The following GABRG3 variants were observed in gnomAD, a reference collection of about 807,000 sequenced individuals.
The protein encoded by GABRG3 is gamma-aminobutyric acid receptor subunit gamma-3.
In GABRG3, 25 loss-of-function variants were observed where a neutral mutation model predicts 48.8. That is an observed-to-expected ratio of 0.51 (90% CI 0.37 to 0.72). The LOEUF is 0.72. Ranked by LOEUF, GABRG3 falls within the 30% of genes least tolerant of loss-of-function variation. The probability of loss-of-function intolerance (pLI) is 0.00; values close to 1 mark genes in which losing one functional copy is unlikely to be tolerated. For missense variants in GABRG3, 394 were observed against 577.9 expected (o/e 0.68, Z 3.26); for synonymous variants, 227 against 217.6 (o/e 1.04, Z -0.38).
intron 3 of GABRG3, among the ~76,000 whole-genome samples, chr15:27,300,528 A>G (rs992605492): frequency 6.6e-5 from 10 of 152,012 alleles, no homozygotes; most frequent in African/African-American, 1.7e-4. Flanking sequence ...GTGCTGATGC[A>G]TGCCTGTAAT....
intron 3 of GABRG3, among the ~76,000 whole-genome samples, chr15:27,230,545 A>G (rs1001337563): frequency 1.3e-5 from 2 of 152,144 alleles, no homozygotes; most frequent in Non-Finnish European, 2.9e-5. Flanking sequence ...TGTGTTCTAT[A>G]TGCAAAATGA....
chr15:27,442,556 A>T (rs7173368), intron 5 of GABRG3, among the ~76,000 whole-genome samples: 15,325 of 152,220 alleles, frequency 0.1, 1,151 homozygotes, highest in African/African-American at 0.21. Flanking sequence ...CAGGCTTCTC[A>T]TCAAGCCACC....
intron 5 of GABRG3, among the ~76,000 whole-genome samples, chr15:27,439,812 T>C (rs918823701): frequency 6.6e-6 from 1 of 152,230 alleles, no homozygotes; most frequent in African/African-American, 2.4e-5. Context: ...GACAGATCAC[T>C]GGGTTATTAG....
intron 3 of GABRG3, among the ~76,000 whole-genome samples, chr15:27,318,487 G>C (rs757664872): frequency 6.6e-6 from 1 of 152,100 alleles, no homozygotes; most frequent in Non-Finnish European, 1.5e-5. Flanking sequence ...TTGATGCTCT[G>C]AATCAGTAAG....
chr15:27,503,749 A>G (rs1287992276), intron 6 of GABRG3, among the ~76,000 whole-genome samples: 1 of 152,212 alleles, frequency 6.6e-6, no homozygotes, highest in African/African-American at 2.4e-5. Context: ...TGCATGTTCA[A>G]GCATTTATTG....
At chr15:26,982,191 A>G (rs1242557972) in intron 2 of GABRG3, among the ~76,000 whole-genome samples, 5 of 152,224 alleles carry the variant, frequency 3.3e-5, no homozygotes, top group South Asian at 2.1e-4. Context: ...CTGCATTTAT[A>G]TAGAAAGAGA....
intron 3 of GABRG3, among the ~76,000 whole-genome samples, chr15:27,169,435 G>A (rs1034025112): frequency 2.6e-5 from 4 of 152,098 alleles, no homozygotes; most frequent in South Asian, 2.1e-4. Flanking sequence ...GGGGAGGGAC[G>A]AGAAGCATGT....
chr15:27,213,147 G>C (rs1335720328), intron 3 of GABRG3, among the ~76,000 whole-genome samples: 1 of 152,196 alleles, frequency 6.6e-6, no homozygotes, highest in East Asian at 1.9e-4. Flanking sequence ...AGGACCACCA[G>C]GGGAGGAGGC....
intron 3 of GABRG3, among the ~76,000 whole-genome samples, chr15:27,081,182 A>G (rs889291890): frequency 6.6e-6 from 1 of 152,132 alleles, no homozygotes; most frequent in African/African-American, 2.4e-5. Context: ...AGTAAAAGCT[A>G]ACAGGTATAG....
intron 3 of GABRG3, among the ~76,000 whole-genome samples, chr15:27,307,859 A>G (rs1195132285): frequency 7.8e-6 from 1 of 128,472 alleles, no homozygotes; most frequent in South Asian, 2.4e-4. Flanking sequence ...GTTTATATAT[A>G]AATATATATA....
intron 3 of GABRG3, among the ~76,000 whole-genome samples, chr15:27,288,096 C>A (rs1891676456): frequency 6.6e-6 from 1 of 151,936 alleles, no homozygotes; most frequent in Admixed American, 6.6e-5. Flanking sequence ...AGGAATTTTG[C>A]CTTTTTATCT....
intron 5 of GABRG3, among the ~76,000 whole-genome samples, chr15:27,424,266 T>G (rs1888221677): frequency 6.6e-6 from 1 of 152,174 alleles, no homozygotes; most frequent in African/African-American, 2.4e-5. Context: ...TTAGTTCATT[T>G]GTGCTGCTAT....
chr15:27,497,610 C>T (rs541400659), intron 6 of GABRG3, among the ~76,000 whole-genome samples: 300 of 152,232 alleles, frequency 2.0e-3, no homozygotes, highest in South Asian at 9.8e-3. Context: ...GTGAAAATGA[C>T]TCGGAGTTCA....
intron 3 of GABRG3, among the ~76,000 whole-genome samples, chr15:27,233,310 A>C (rs1889856171): frequency 6.6e-6 from 1 of 152,134 alleles, no homozygotes; most frequent in African/African-American, 2.4e-5. Flanking sequence ...AGCATAAAAA[A>C]GTGGACAAGG....
intron 3 of GABRG3, among the ~76,000 whole-genome samples, chr15:27,111,468 G>T (rs1384370360): frequency 6.6e-6 from 1 of 152,162 alleles, no homozygotes; most frequent in Non-Finnish European, 1.5e-5. Flanking sequence ...CAGACATGAT[G>T]TGTTGGGTAA....
At chr15:27,407,600 C>G (rs1191018091) in intron 5 of GABRG3, among the ~76,000 whole-genome samples, 1 of 152,144 alleles carries the variant, frequency 6.6e-6, no homozygotes, top group Non-Finnish European at 1.5e-5. Flanking sequence ...AACTTTGGTA[C>G]ACCCAGACAA....
At chr15:27,331,616 C>T (rs966116106) in intron 5 of GABRG3, among the ~76,000 whole-genome samples, 1 of 152,194 alleles carries the variant, frequency 6.6e-6, no homozygotes, top group Non-Finnish European at 1.5e-5. Context: ...GACAGTGAAA[C>T]TATTCTGTAT....
At chr15:27,128,297 C>T (rs1295247395) in intron 3 of GABRG3, among the ~76,000 whole-genome samples, 1 of 152,144 alleles carries the variant, frequency 6.6e-6, no homozygotes, top group Non-Finnish European at 1.5e-5. Context: ...TGTTGTGTGT[C>T]GCTCTACCTT....
At chr15:27,499,281 A>G (rs1389767455) in intron 6 of GABRG3, among the ~76,000 whole-genome samples, 1 of 152,220 alleles carries the variant, frequency 6.6e-6, no homozygotes, top group Non-Finnish European at 1.5e-5. Context: ...ATCTCAGACA[A>G]AAAATTCCCC....
Sources: allele counts gnomAD v4.1 joint callset (sites outside exome capture counted in the v4.1 genomes callset), GRCh38; gene constraint gnomAD v4.1.1; transcripts MANE v1.5; gene names NCBI Gene and HGNC (gene_info 2026-07-23, HGNC 2026-07-21).